CWC22: variants seen among roughly 807,000 people sequenced by gnomAD.
CWC22 encodes the protein CWC22 spliceosome associated protein, also known as pre-mRNA-splicing factor CWC22 homolog.
Under a neutral mutation model 117.2 loss-of-function variants are expected in CWC22, and 53 were observed. The ratio of observed to expected loss-of-function variants is 0.45; its 90% CI spans 0.36 to 0.57. The LOEUF (loss-of-function observed/expected upper bound fraction) is 0.57, where lower values mean the gene tolerates loss of function less well. CWC22 is among the 20% of genes least tolerant of loss of function. The probability of loss-of-function intolerance (pLI) is 0.00; values close to 1 mark genes in which losing one functional copy is unlikely to be tolerated. For missense variants in CWC22, 980 were observed against 1,068.8 expected, an observed-to-expected ratio of 0.92 and a Z score of 1.16; for synonymous variants, 360 against 355.6, an observed-to-expected ratio of 1.01 and a Z score of -0.14.
At position 179,993,472 on chromosome 2, in the gene CWC22, G is replaced by A; in HGVS notation, c.-113-18C>T. 1.5e-6 allele frequency: 1 copy of A among 650,542 alleles called. No homozygotes were observed. Among genetic ancestry groups the A allele is most frequent in the East Asian group, 2.8e-5 (1 of 35,478 alleles). 40.3% of individuals were successfully genotyped at this position (650,542 alleles called of 1,614,324 possible). A position where few individuals can be genotyped will look rare whatever the true frequency, so the allele number is the denominator to read the frequency against. On this transcript the variant is annotated intron_variant, in intron 1 of 19. Transcript: ENST00000410053. ...AACATCACCTATAAAATATACCAAA[G>A]AAAGCTTTATTAACACTAACAAAGT...
chr2:179,979,371 T>C (rs1687231753), intron 5 of CWC22, among the ~76,000 whole-genome samples: 1 of 152,152 alleles, frequency 6.6e-6, no homozygotes, highest in Non-Finnish European at 1.5e-5. Flanking sequence ...TAACAGACTG[T>C]CAATACTCTG....
intron 2 of CWC22, among the ~76,000 whole-genome samples, chr2:179,992,605 C>T (rs1687595187): frequency 6.6e-6 from 1 of 152,172 alleles, no homozygotes; most frequent in Admixed American, 6.5e-5. Context: ...TACTACATAA[C>T]TTATCAAGTT....
intron 6 of CWC22, among the ~76,000 whole-genome samples, chr2:179,977,221 A>G (rs1301771449): frequency 2.0e-5 from 3 of 152,180 alleles, no homozygotes; most frequent in Non-Finnish European, 2.9e-5. Context: ...CAATCCCACT[A>G]TTGGGTATAT....
Position 179,971,160 on chromosome 2 carries a change from A to C in CWC22, c.805-84T>G, listed in dbSNP as rs1173489553. On this transcript the variant is annotated intron_variant, in intron 8 of 19. Coordinates refer to ENST00000410053, the MANE Select transcript of CWC22 (RefSeq NM_020943.3). ...TTTTATAATTTCTAAAAATTAGTAA[A>C]TCTGTTTACAATAATTATATTGCAC... is the stretch of plus-strand genomic sequence containing the variant. 3.1e-6 allele frequency: 3 copies of C among 979,464 alleles called. No homozygotes were observed. In the African/African-American group the frequency reaches 5.0e-5, roughly 16 times the overall value. The allele number at this position is 979,464 out of a possible 1,614,324, so 60.7% of individuals were successfully genotyped here.
intron 1 of CWC22, among the ~76,000 whole-genome samples, chr2:179,999,915 A>C (rs904789523): frequency 6.6e-6 from 1 of 152,218 alleles, no homozygotes; most frequent in Non-Finnish European, 1.5e-5. Flanking sequence ...CTAAATGCCA[A>C]AATATAATGG....
chr2:179,988,176 G>C (rs1254781236), intron 3 of CWC22, among the ~76,000 whole-genome samples: 1 of 152,160 alleles, frequency 6.6e-6, no homozygotes, highest in East Asian at 1.9e-4. Flanking sequence ...CATGGCTCTG[G>C]GGGTTGGGGA....
chr2:179,992,393 T>G (rs180977169), intron 2 of CWC22, among the ~76,000 whole-genome samples: 1 of 151,236 alleles, frequency 6.6e-6, no homozygotes, highest in East Asian at 2.0e-4. Context: ...TTGCCTTTGC[T>G]GTTCCTTTTG....
intron 12 of CWC22, among the ~76,000 whole-genome samples, chr2:179,965,400 A>C (rs1686863758): frequency 6.6e-6 from 1 of 152,202 alleles, no homozygotes; most frequent in African/African-American, 2.4e-5. Flanking sequence ...AAGGTAATCA[A>C]AGCTGAAGAG....
intron 1 of CWC22, among the ~76,000 whole-genome samples, chr2:180,001,094 T>A (rs1687835324): frequency 6.6e-6 from 1 of 152,226 alleles, no homozygotes; most frequent in Admixed American, 6.5e-5. Context: ...TTTTTGTTAG[T>A]TTCAACATTT....
intron 2 of CWC22, 65 bp from the exon 3 acceptor site, chr2:179,988,709 A>G (rs1290743183): frequency 2.5e-6 from 2 of 815,266 alleles, no homozygotes; most frequent in Non-Finnish European, 3.8e-6. Flanking sequence ...AGACTGAAAT[A>G]CATGGCTTAG....
chr2:179,966,982 C>T (rs1000266015), intron 11 of CWC22, among the ~76,000 whole-genome samples: 1 of 152,152 alleles, frequency 6.6e-6, no homozygotes, highest in Non-Finnish European at 1.5e-5. Flanking sequence ...CCTTATCTGA[C>T]ATATAAATCT....
intron 15 of CWC22, 144 bp downstream of exon 15, chr2:179,954,813 G>A (rs1335818770): frequency 6.9e-6 from 4 of 581,206 alleles, no homozygotes; most frequent in Non-Finnish European, 1.2e-5. Context: ...AAGGTGAAGA[G>A]AGTGGGAAAC....
intron 3 of CWC22, 124 bp downstream of exon 3, chr2:179,988,453 T>C: frequency 1.7e-6 from 1 of 581,702 alleles, no homozygotes; most frequent in Admixed American, 3.7e-5. Flanking sequence ...ATTCAAGTAA[T>C]ATTGGTTATA....
intron 19 of CWC22, among the ~76,000 whole-genome samples, 198 bp downstream of exon 19, chr2:179,950,314 G>T (rs1686411596): frequency 6.6e-6 from 1 of 152,158 alleles, no homozygotes; most frequent in South Asian, 2.1e-4. Context: ...TGATGAGGAT[G>T]TCAAAAGGTA....
At chr2:179,964,424 G>A (rs1686835505) in intron 13 of CWC22, 123 bp downstream of exon 13, 2 of 540,830 alleles carry the variant, frequency 3.7e-6, no homozygotes, top group Non-Finnish European at 6.5e-6. Flanking sequence ...ATGGGGGAGA[G>A]AGTCTAAGAA....
chr2:179,971,947 C>T (rs1338409254), intron 8 of CWC22, among the ~76,000 whole-genome samples: 1 of 152,212 alleles, frequency 6.6e-6, no homozygotes, highest in African/African-American at 2.4e-5. Context: ...CAAGAAAATA[C>T]TGCCCTGTAC....
At chr2:179,980,189 G>T (rs1185406960) in intron 5 of CWC22, among the ~76,000 whole-genome samples, 2 of 152,102 alleles carry the variant, frequency 1.3e-5, no homozygotes, top group East Asian at 3.9e-4. Context: ...CCTTGTGCAT[G>T]AGCAAAACGT....
At chr2:179,955,926 C>T (rs1013158638) in intron 14 of CWC22, among the ~76,000 whole-genome samples, 1 of 151,854 alleles carries the variant, frequency 6.6e-6, no homozygotes, top group Non-Finnish European at 1.5e-5. Flanking sequence ...AATTCATCTA[C>T]GATCAGTGTA....
chr2:180,005,426 A>T (rs1256645205), intron 1 of CWC22, among the ~76,000 whole-genome samples: 3 of 152,100 alleles, frequency 2.0e-5, no homozygotes, highest in Non-Finnish European at 2.9e-5. Flanking sequence ...AAATACAAAA[A>T]ATTAGCCAGG....
Sources: allele counts gnomAD v4.1 joint callset (sites outside exome capture counted in the v4.1 genomes callset), GRCh38; gene constraint gnomAD v4.1.1; transcripts MANE v1.5; gene names NCBI Gene and HGNC (gene_info 2026-07-23, HGNC 2026-07-21).